The following GNPDA2 variants were observed in gnomAD, a reference collection of about 807,000 sequenced individuals.
GNPDA2 encodes glucosamine-6-phosphate deaminase 2, also known as glcN6P deaminase 2.
GNPDA2 carries 24 observed loss-of-function variants against 27.0 expected under a neutral mutation model. The observed-to-expected ratio is 0.89, with a 90% CI of 0.64 to 1.25. GNPDA2 has a LOEUF of 1.25. GNPDA2 is among the 50% of genes most tolerant of loss of function. The pLI is 0.00. For synonymous variants in GNPDA2, 94 were observed against 108.4 expected (o/e 0.87, Z 0.83); for missense variants, 286 against 335.1 (o/e 0.85, Z 1.14).
intron 1 of GNPDA2, among the ~76,000 whole-genome samples, chr4:44,722,855 C>T (rs988065468): frequency 6.6e-6 from 1 of 152,068 alleles, no homozygotes; most frequent in African/African-American, 2.4e-5. Flanking sequence ...ATAAAATGCC[C>T]AGTTATAGAT....
Position 44,711,028 on chromosome 4 carries a change from A to G in GNPDA2, c.519T>C (p.Tyr173=). The change falls in exon 5 of 7, where the codon TAT becomes TAC. Residue 173 remains tyrosine, a synonymous_variant. Transcript: ENST00000295448. ...AMDTILANAK[Y]FDGDLSKVPT... ...GCACTTTTGATAAATCTCCATCAAA[A>G]TATTTGGCATTTGCCAAGATGGTAT... 1 of 1,613,610 alleles carries G rather than the reference A, an allele frequency of 6.2e-7. No individual in the cohort carries two copies. Among genetic ancestry groups the G allele is most frequent in the Non-Finnish European group, 8.5e-7 (1 of 1,179,726 alleles).
intron 5 of GNPDA2, among the ~76,000 whole-genome samples, chr4:44,709,401 C>G (rs1223603150): frequency 6.6e-6 from 1 of 152,058 alleles, no homozygotes; most frequent in Non-Finnish European, 1.5e-5. Context: ...GAGATTATTT[C>G]TCATATCATG....
intron 1 of GNPDA2, among the ~76,000 whole-genome samples, 165 bp from the exon 2 acceptor site, chr4:44,722,407 T>A (rs890694337): frequency 6.6e-6 from 1 of 152,214 alleles, no homozygotes; most frequent in African/African-American, 2.4e-5. Flanking sequence ...AATCTGAATT[T>A]AAAAAATAGT....
At chr4:44,712,641 G>A (rs1035245421) in intron 4 of GNPDA2, among the ~76,000 whole-genome samples, 5 of 152,070 alleles carry the variant, frequency 3.3e-5, no homozygotes, top group African/African-American at 1.2e-4. Context: ...TATATGTGTA[G>A]AGGGAAGGAT....
intron 6 of GNPDA2, 104 bp from the exon 7 acceptor site, chr4:44,703,246 A>G: frequency 6.8e-7 from 1 of 1,460,880 alleles, no homozygotes; most frequent in Non-Finnish European, 9.0e-7. Flanking sequence ...AAGCCTGTTT[A>G]GTTCCCATCT....
At chr4:44,715,117 C>A (rs1560361271) in intron 4 of GNPDA2, among the ~76,000 whole-genome samples, 1 of 151,802 alleles carries the variant, frequency 6.6e-6, no homozygotes, top group Non-Finnish European at 1.5e-5. Flanking sequence ...ATAACCCCCT[C>A]CCAAAAAAAA....
At chr4:44,703,389 G>A (rs2109687470) in intron 6 of GNPDA2, 1 of 1,210,794 alleles carries the variant, frequency 8.3e-7, no homozygotes, top group Non-Finnish European at 1.0e-6. Flanking sequence ...TACTTTGGGA[G>A]TAACCAGAAG....
intron 1 of GNPDA2, among the ~76,000 whole-genome samples, 195 bp from the exon 2 acceptor site, chr4:44,722,437 G>A (rs986000661): frequency 1.3e-5 from 2 of 152,092 alleles, no homozygotes; most frequent in African/African-American, 4.8e-5. Flanking sequence ...TCTCTTTTGA[G>A]CAGACACTGA....
Position 44,717,220 on chromosome 4 carries a change from GGATCTATATC to G in GNPDA2, c.292_301del (p.Asp98LeufsTer25). ...CCCGTCAAGGATATGTGCATTATTA[GGATCTATATC>G]GATATGCTTAAAAAAATTATTCCAC... On this transcript the variant is annotated frameshift_variant, in exon 4 of 7. Transcript: ENST00000295448. LOFTEE classifies it high-confidence loss of function. The G allele has an allele frequency of 6.3e-7, 1 of 1,591,224 alleles. No individual in the cohort carries two copies.
chr4:44,722,188 T>A lies in GNPDA2; in HGVS notation c.20A>T (p.Asp7Val), dbSNP rs757568346. Residue 7 changes from aspartate to valine, a missense_variant, in exon 2 of 7, where the codon GAT becomes GTT. Coordinates refer to ENST00000295448, the MANE Select transcript of GNPDA2 (RefSeq NM_138335.3). MRLVIL[D>V]NYDLASEWAA... ...CCATTCACTAGCCAAGTCATAGTTA[T>A]CAAGAATTACAAGCCTCATTACGGT... is the stretch of plus-strand genomic sequence containing the variant. 2 of 1,613,490 alleles carry A rather than the reference T, an allele frequency of 1.2e-6. No individual in the cohort carries two copies. The highest frequency in any genetic ancestry group is 4.5e-5 in the East Asian group (2 of 44,844).
chr4:44,713,126 G>T (rs141623025), intron 4 of GNPDA2, among the ~76,000 whole-genome samples: 1 of 152,296 alleles, frequency 6.6e-6, no homozygotes, highest in African/African-American at 2.4e-5. Flanking sequence ...GCTCGGTATA[G>T]TTTATTCCAC....
chr4:44,703,838 C>A (rs1020666994), intron 6 of GNPDA2: 11 of 984,766 alleles, frequency 1.1e-5, no homozygotes, highest in African/African-American at 1.7e-5. Flanking sequence ...TGTTTTAATG[C>A]CTCAGTACTA....
chr4:44,724,750 CAG>C (rs1193823758), intron 1 of GNPDA2, among the ~76,000 whole-genome samples: 1 of 152,088 alleles, frequency 6.6e-6, no homozygotes, highest in Non-Finnish European at 1.5e-5. Flanking sequence ...AAGAAGGTAA[CAG>C]TTTCGAATTC....
rs1270096178 is a variant in GNPDA2 at position 44,705,588 on chromosome 4, CAT to C, written c.769+2162_769+2163del. ...CACCCTTCTATTTTAAATTATCTAA[CAT>C]ATGTCGATATACCTTTTTTGGAAGC... On this transcript the variant is annotated intron_variant, in intron 6 of 6. Transcript: ENST00000295448. 5 of 463,518 alleles carry C rather than the reference CAT, an allele frequency of 1.1e-5. No homozygotes were observed. In the East Asian group the frequency reaches 6.2e-4, roughly 57 times the overall value. 28.7% of individuals were successfully genotyped at this position (463,518 alleles called of 1,614,324 possible). A position where few individuals can be genotyped will look rare whatever the true frequency, so the allele number is the denominator to read the frequency against.
chr4:44,703,055 C>A lies in GNPDA2; in HGVS notation c.*26G>T, dbSNP rs1716368706. The A allele has an allele frequency of 1.3e-5, 21 of 1,609,968 alleles. No individual in the cohort carries two copies. Among genetic ancestry groups the A allele is most frequent in the African/African-American group, 4.0e-5 (3 of 74,834 alleles). ...CTTAGTAAAAAGTGCTCTGTTCATTCAAGCTGAATTTTGCTCCAGTCTCCT... is the reference window on the plus strand; with the variant it reads ...CTTAGTAAAAAGTGCTCTGTTCATTAAAGCTGAATTTTGCTCCAGTCTCCT... On this transcript the variant is annotated 3_prime_UTR_variant, in exon 7 of 7. Coordinates refer to ENST00000295448, the MANE Select transcript of GNPDA2 (RefSeq NM_138335.3).
intron 4 of GNPDA2, among the ~76,000 whole-genome samples, chr4:44,712,422 G>C (rs1717033665): frequency 6.6e-6 from 1 of 152,050 alleles, no homozygotes; most frequent in Non-Finnish European, 1.5e-5. Flanking sequence ...AGCAAGTACA[G>C]AATGCCAAAG....
intron 6 of GNPDA2, chr4:44,706,911 A>G (rs1716640721): frequency 1.3e-5 from 2 of 152,100 alleles, no homozygotes; most frequent in Non-Finnish European, 2.9e-5. Context: ...CATACATACT[A>G]CATAGTGAAT....
At chr4:44,723,134 G>C (rs1717782608) in intron 1 of GNPDA2, among the ~76,000 whole-genome samples, 1 of 152,076 alleles carries the variant, frequency 6.6e-6, no homozygotes, top group Non-Finnish European at 1.5e-5. Flanking sequence ...TCACTTAAAA[G>C]CTACATAATT....
intron 6 of GNPDA2, chr4:44,704,729 C>T (rs143699107): frequency 1.0e-6 from 1 of 984,056 alleles, no homozygotes; most frequent in East Asian, 1.1e-4. Context: ...TGAAACGTTA[C>T]CAGAAGAAAG....
Sources: gnomAD v4.1 joint callset for allele counts (sites outside exome capture counted in the v4.1 genomes callset) on GRCh38, gnomAD v4.1.1 for gene constraint, MANE v1.5 for transcripts, NCBI Gene and HGNC (gene_info 2026-07-23, HGNC 2026-07-21) for gene names.